Variants in EVL observed in about 807,000 individuals in gnomAD.
EVL encodes Enah/Vasp-like.
In EVL, 21 loss-of-function variants were observed where a neutral mutation model predicts 59.6. The ratio of observed to expected loss-of-function variants is 0.35; its 90% confidence interval spans 0.25 to 0.51. The LOEUF (loss-of-function observed/expected upper bound fraction) is 0.51, where lower values mean the gene tolerates loss of function less well. EVL is among the 20% of genes least tolerant of loss of function. EVL has a pLI of 0.97. For missense variants in EVL, 462 were observed against 546.6 expected, an observed-to-expected ratio of 0.85 and a Z score of 1.54; for synonymous variants, 198 against 203.5, an observed-to-expected ratio of 0.97 and a Z score of 0.23.
intron 1 of EVL, among the ~76,000 whole-genome samples, chr14:100,050,559 G>A (rs1021422806): frequency 1.5e-4 from 23 of 151,510 alleles, no homozygotes; most frequent in Admixed American, 1.1e-3. Context: ...CCGTGGTCTC[G>A]ATCTCCTGAC....
At chr14:100,116,333 T>C (rs1887344251) in intron 3 of EVL, among the ~76,000 whole-genome samples, 1 of 152,118 alleles carries the variant, frequency 6.6e-6, no homozygotes, top group African/African-American at 2.4e-5. Flanking sequence ...TGTCGTTTGT[T>C]GGCCAGAAAT....
At chr14:100,103,873 A>G (rs924255360) in intron 3 of EVL, among the ~76,000 whole-genome samples, 1 of 152,154 alleles carries the variant, frequency 6.6e-6, no homozygotes, top group Non-Finnish European at 1.5e-5. Context: ...GCAAGGAGGT[A>G]TGTGCTTTTC....
At position 99,983,818 on chromosome 14, in the gene EVL, G is replaced by A. The variant is rs147121851; in HGVS notation, c.5+11761G>A. On this transcript the variant is annotated intron_variant, in intron 1 of 13. Coordinates refer to the EVL transcript ENST00000402714. ...GAAACATCACTTCCTCAGGGAGGCA[G>A]CCTTTGACCCTTAGCCTAGCTGAGG... Among the ~76,000 whole-genome samples, 7 of 152,264 alleles carry A rather than the reference G, an allele frequency of 4.6e-5. No individual in the cohort carries two copies. In the East Asian group the frequency reaches 1.2e-3, roughly 25 times the overall value.
At chr14:99,979,367 A>C (rs895726883) in intron 1 of EVL, among the ~76,000 whole-genome samples, 1 of 152,090 alleles carries the variant, frequency 6.6e-6, no homozygotes, top group Non-Finnish European at 1.5e-5. Context: ...TTTTTTAAAG[A>C]TTTAGATACA....
intron 1 of EVL, among the ~76,000 whole-genome samples, chr14:100,071,641 C>T (rs2062050657): frequency 6.6e-6 from 1 of 152,116 alleles, no homozygotes; most frequent in Non-Finnish European, 1.5e-5. Context: ...GTTCTCTTGA[C>T]CAAAAAAGTT....
chr14:100,077,712 G>A (rs2062193978), intron 1 of EVL, among the ~76,000 whole-genome samples: 1 of 152,162 alleles, frequency 6.6e-6, no homozygotes, highest in Non-Finnish European at 1.5e-5. Context: ...CTAAATGGGG[G>A]CCTAGGGATT....
chr14:100,011,384 C>T (rs973499145), intron 1 of EVL, among the ~76,000 whole-genome samples: 1 of 151,988 alleles, frequency 6.6e-6, no homozygotes, highest in Non-Finnish European at 1.5e-5. Context: ...GATTTTTGTC[C>T]AGTAGAAATT....
intron 3 of EVL, among the ~76,000 whole-genome samples, chr14:100,110,042 C>T (rs1045411748): frequency 6.6e-6 from 1 of 152,334 alleles, no homozygotes; most frequent in South Asian, 2.1e-4. Flanking sequence ...ATTACTATAA[C>T]AGTTTGAAGT....
At chr14:99,983,156 C>A (rs952534276) in intron 1 of EVL, among the ~76,000 whole-genome samples, 1 of 152,116 alleles carries the variant, frequency 6.6e-6, no homozygotes. Flanking sequence ...GACTATATGA[C>A]TTCATATGTG....
upstream of EVL, among the ~76,000 whole-genome samples, chr14:100,063,864 AAAGG>A (rs1428676450): frequency 1.3e-5 from 2 of 152,238 alleles, no homozygotes; most frequent in African/African-American, 4.8e-5. Flanking sequence ...CAGGAAAAAC[AAAGG>A]AAGAAGTCAC....
At chr14:99,990,328 CTTTTTT>C (rs1170900071) in intron 1 of EVL, among the ~76,000 whole-genome samples, 1 of 152,104 alleles carries the variant, frequency 6.6e-6, no homozygotes, top group African/African-American at 2.4e-5. Flanking sequence ...AGTGTTCGCT[CTTTTTT>C]AATTTTAATT....
At chr14:100,135,104 G>A (rs1888689973) in intron 8 of EVL, 1 of 152,140 alleles carries the variant, frequency 6.6e-6, no homozygotes, top group South Asian at 2.1e-4. Context: ...AAATGAGGAG[G>A]CCTGAGAACC....
chr14:100,080,947 A>G (rs570568753), intron 1 of EVL, among the ~76,000 whole-genome samples: 6 of 152,346 alleles, frequency 3.9e-5, no homozygotes, highest in African/African-American at 1.4e-4. Flanking sequence ...CATTTATTCA[A>G]TAAATAATTT....
intron 1 of EVL, chr14:99,974,652 G>T (rs1352951383): frequency 2.6e-5 from 4 of 152,504 alleles, no homozygotes; most frequent in Non-Finnish European, 5.9e-5. Context: ...CTGTCACCTT[G>T]CAAGGAATGC....
At chr14:100,032,342 G>A (rs1176487590) in intron 1 of EVL, among the ~76,000 whole-genome samples, 1 of 152,148 alleles carries the variant, frequency 6.6e-6, no homozygotes, top group Non-Finnish European at 1.5e-5. Flanking sequence ...TAAAATTCTT[G>A]TTTGTTGTCC....
chr14:100,059,795 G>C (rs570932055), intron 1 of EVL, among the ~76,000 whole-genome samples: 22 of 152,122 alleles, frequency 1.4e-4, no homozygotes, highest in Non-Finnish European at 2.9e-4. Context: ...CTGAAGAAAG[G>C]TTTGAACCAA....
chr14:100,008,276 C>T (rs1006223576), intron 1 of EVL, among the ~76,000 whole-genome samples: 1 of 152,134 alleles, frequency 6.6e-6, no homozygotes, highest in African/African-American at 2.4e-5. Context: ...TGGATGACCC[C>T]GCTTTTGAGA....
At chr14:100,103,470 T>C (rs941896) in intron 3 of EVL, among the ~76,000 whole-genome samples, 150,176 of 152,194 alleles carry the variant, frequency 0.99, 74,112 homozygotes, top group East Asian at 1. Context: ...TTCCTCCTCC[T>C]TCAACTTCTG....
chr14:100,079,512 C>T (rs1041477794), intron 1 of EVL, among the ~76,000 whole-genome samples: 7 of 152,152 alleles, frequency 4.6e-5, no homozygotes, highest in African/African-American at 1.2e-4. Context: ...AACTGAAAAG[C>T]GCTCTGGCAG....
Sources: allele counts gnomAD v4.1 joint callset (sites outside exome capture counted in the v4.1 genomes callset), GRCh38; gene constraint gnomAD v4.1.1; transcripts MANE v1.5; gene names NCBI Gene and HGNC (gene_info 2026-07-23, HGNC 2026-07-21).